The following PAX2 variants were observed in gnomAD, a reference collection of about 807,000 sequenced individuals.
PAX2 encodes paired box protein Pax-2.
Under a neutral mutation model 41.7 loss-of-function variants are expected in PAX2, and 9 were observed. The ratio of observed to expected loss-of-function variants is 0.22; its 90% CI spans 0.13 to 0.38. The LOEUF is 0.38. PAX2 is among the 10% of genes least tolerant of loss of function. PAX2 has a pLI of 1.00. For missense variants in PAX2, 418 were observed against 531.6 expected, an observed-to-expected ratio of 0.79 and a Z score of 2.10; for synonymous variants, 221 against 212.7, an observed-to-expected ratio of 1.04 and a Z score of -0.34.
intron 5 of PAX2, among the ~76,000 whole-genome samples, chr10:100,788,870 C>A (rs762196982): frequency 1.1e-4 from 17 of 151,760 alleles, no homozygotes; most frequent in African/African-American, 4.1e-4. Context: ...GCACACACAC[C>A]CCCCCCGACA....
intron 4 of PAX2, among the ~76,000 whole-genome samples, chr10:100,780,673 C>A (rs1203821971): frequency 5.9e-5 from 9 of 152,148 alleles, no homozygotes; most frequent in Admixed American, 5.9e-4. Flanking sequence ...GAGAGAAATG[C>A]ACACTCCTGG....
intron 5 of PAX2, among the ~76,000 whole-genome samples, chr10:100,806,178 C>T (rs780298905): frequency 1.1e-4 from 17 of 152,306 alleles, no homozygotes; most frequent in Non-Finnish European, 1.9e-4. Flanking sequence ...TCCTTCCTGA[C>T]CCCACAGTGT....
At chr10:100,761,945 C>A (rs1238414965) in intron 3 of PAX2, among the ~76,000 whole-genome samples, 1 of 152,206 alleles carries the variant, frequency 6.6e-6, no homozygotes, top group Non-Finnish European at 1.5e-5. Context: ...GTTTCCCACC[C>A]TCCTTCCCCA....
Position 100,785,732 on chromosome 10 carries a change from A to C in PAX2, c.616+4367A>C, listed in dbSNP as rs146424295. Among the ~76,000 whole-genome samples, 699 of 152,266 alleles carry C rather than the reference A, an allele frequency of 4.6e-3. 5 individuals are homozygous for C. Among genetic ancestry groups the C allele is most frequent in the African/African-American group, 0.016 (653 of 41,534 alleles). On this transcript the variant is annotated intron_variant, in intron 5 of 9. Transcript: ENST00000355243. ...CTACGAGCCTGGCTTGAGGCAGCAG[A>C]AGGTTGCAAAGACTCCCACCAGGAA...
At chr10:100,808,454 G>T (rs1330464418) in intron 6 of PAX2, among the ~76,000 whole-genome samples, 1 of 152,162 alleles carries the variant, frequency 6.6e-6, no homozygotes, top group Non-Finnish European at 1.5e-5. Context: ...CTCCCGGTCT[G>T]CCCAGCTCTG....
chr10:100,782,564 G>A (rs965509512), intron 5 of PAX2, among the ~76,000 whole-genome samples: 5 of 152,242 alleles, frequency 3.3e-5, no homozygotes, highest in Non-Finnish European at 4.4e-5. Flanking sequence ...GGCCCCCAGC[G>A]GAAGGGACAG....
At chr10:100,773,742 C>T (rs1846291573) in intron 3 of PAX2, among the ~76,000 whole-genome samples, 1 of 152,094 alleles carries the variant, frequency 6.6e-6, no homozygotes, top group South Asian at 2.1e-4. Flanking sequence ...CCAGGCTGCC[C>T]CGGCCCCCCA....
upstream of PAX2, among the ~76,000 whole-genome samples, chr10:100,742,705 A>G (rs927652784): frequency 6.6e-6 from 1 of 152,050 alleles, no homozygotes; most frequent in Admixed American, 6.6e-5. Flanking sequence ...GGCCGCTTTG[A>G]AAACACCAGA....
intron 5 of PAX2, among the ~76,000 whole-genome samples, chr10:100,787,750 TG>T (rs1846928228): frequency 6.6e-6 from 1 of 151,890 alleles, no homozygotes; most frequent in Non-Finnish European, 1.5e-5. Flanking sequence ...GGGCACTGGC[TG>T]GGGTTGGGTG....
At chr10:100,811,834 C>T (rs1227162562) in intron 7 of PAX2, among the ~76,000 whole-genome samples, 2 of 152,180 alleles carry the variant, frequency 1.3e-5, no homozygotes, top group Non-Finnish European at 1.5e-5. Flanking sequence ...TTATCCTCCA[C>T]GTCTCAGGCA....
At chr10:100,812,419 A>G (rs946492048) in intron 7 of PAX2, among the ~76,000 whole-genome samples, 1 of 152,226 alleles carries the variant, frequency 6.6e-6, no homozygotes, top group African/African-American at 2.4e-5. Flanking sequence ...GACCAGCTAC[A>G]TGAGAGAATG....
At chr10:100,749,997 A>G (rs1376622774) in intron 2 of PAX2, 83 bp downstream of exon 2, 8 of 1,496,842 alleles carry the variant, frequency 5.3e-6, no homozygotes, top group Non-Finnish European at 7.3e-6. Context: ...GACGTGGCTA[A>G]AAGTCCAGCG....
intron 3 of PAX2, among the ~76,000 whole-genome samples, chr10:100,763,930 G>A (rs1336756461): frequency 1.3e-5 from 2 of 152,106 alleles, no homozygotes; most frequent in Admixed American, 6.5e-5. Context: ...AAATGTGGGG[G>A]ATAATTGTGT....
At chr10:100,804,712 C>T (rs1847697463) in intron 5 of PAX2, among the ~76,000 whole-genome samples, 1 of 152,114 alleles carries the variant, frequency 6.6e-6, no homozygotes, top group Non-Finnish European at 1.5e-5. Context: ...TTTATCTGGA[C>T]GTTTATATAT....
chr10:100,751,982 G>T (rs924019519), intron 3 of PAX2, among the ~76,000 whole-genome samples: 13 of 152,160 alleles, frequency 8.5e-5, no homozygotes, highest in Non-Finnish European at 1.9e-4. Flanking sequence ...AATTCACATG[G>T]TGCCTTATTC....
rs143950413 is a variant in PAX2 at position 100,750,437 on chromosome 10, G to A, written c.213-257G>A. On this transcript the variant is annotated intron_variant, in intron 2 of 9. Transcript: ENST00000355243. This position sits in a 1 kb window ranked among gnomAD's most constrained non-coding sequence, Gnocchi z 4.1. ...AAAGGCTGGGCTTTCACTCCCACGG[G>A]TGCCTATTTGGGCTGGTGCGAACCC... Among the ~76,000 whole-genome samples, 694 of 152,294 alleles carry A rather than the reference G, an allele frequency of 4.6e-3. 2 individuals are homozygous for A. Among genetic ancestry groups the A allele is most frequent in the African/African-American group, 0.016 (671 of 41,562 alleles).
chr10:100,778,528 T>C (rs1846483331), intron 3 of PAX2, among the ~76,000 whole-genome samples: 1 of 152,156 alleles, frequency 6.6e-6, no homozygotes, highest in African/African-American at 2.4e-5. Flanking sequence ...ACCTGGCTGG[T>C]TGAGGTGAGC....
chr10:100,824,028 G>A lies in PAX2; in HGVS notation c.920-620G>A, dbSNP rs114734425. Among the ~76,000 whole-genome samples the A allele has an allele frequency of 1.9e-3, 289 of 152,244 alleles. 3 individuals carry two copies. Among genetic ancestry groups the A allele is most frequent in the African/African-American group, 6.6e-3 (275 of 41,528 alleles). Reference sequence around the variant, plus strand: ...TCACTTCAGGGTGGTTTTCTATCATGTAAATGCCATAAACACTAACAGCAA... The same window carrying A: ...TCACTTCAGGGTGGTTTTCTATCATATAAATGCCATAAACACTAACAGCAA... On this transcript the variant is annotated intron_variant, in intron 7 of 9. Transcript: ENST00000355243. The surrounding 1 kb of genome is among the most constrained non-coding windows in gnomAD (Gnocchi z 6.6).
rs995744426 is a variant in PAX2, at chr10:100,828,801, T to A, written c.*1182T>A. On this transcript the variant is annotated 3_prime_UTR_variant, in exon 10 of 10. Transcript: ENST00000355243. This position sits in a 1 kb window ranked among gnomAD's most constrained non-coding sequence, Gnocchi z 6.5. The stretch of plus-strand genomic sequence containing the variant: ...CCACAAAAAGTCTACATTTATTTAA[T>A]ATGATGGTCTTTGCAAAAAGGAACA... 8.6e-6 allele frequency: 2 copies of A among 232,630 alleles called. No homozygotes were observed. The highest frequency in any genetic ancestry group is 1.7e-5 in the Non-Finnish European group (2 of 117,422). 14.4% of individuals were successfully genotyped at this position (232,630 alleles called of 1,614,324 possible).
Sources: gnomAD v4.1 joint callset for allele counts (sites outside exome capture counted in the v4.1 genomes callset) on GRCh38, gnomAD v4.1.1 for gene constraint, Gnocchi (gnomAD v3.1) non-coding constraint, MANE v1.5 for transcripts, NCBI Gene and HGNC (gene_info 2026-07-23, HGNC 2026-07-21) for gene names.